The following CHODL variants were observed in gnomAD, a reference collection of about 807,000 sequenced individuals.
CHODL encodes chondrolectin, also known as transmembrane protein MT75.
A neutral mutation model predicts 34.5 loss-of-function variants in CHODL; 29 were observed. The ratio of observed to expected loss-of-function variants is 0.84; its 90% CI spans 0.63 to 1.15. CHODL has a LOEUF of 1.15. Among genes scored for constraint, CHODL ranks in the 50% most tolerant of loss-of-function variants. The pLI is 0.00. For synonymous variants in CHODL, 125 were observed against 116.1 expected (o/e 1.08, Z -0.49); for missense variants, 332 against 332.5 (o/e 1.00, Z 0.01).
At chr21:18,031,060 CTAAA>C (rs1472311604) in intron 2 of CHODL, among the ~76,000 whole-genome samples, 1 of 152,112 alleles carries the variant, frequency 6.6e-6, no homozygotes, top group East Asian at 1.9e-4. Context: ...TAATTAGTTA[CTAAA>C]TTAGAATGCA....
At position 17,976,110 on chromosome 21, in the gene CHODL, A is replaced by C. The variant is rs538871518; in HGVS notation, c.-144-51762A>C. Among the ~76,000 whole-genome samples the C allele has an allele frequency of 5.3e-5, 8 of 152,066 alleles. No homozygotes were observed. In the East Asian group the frequency reaches 7.7e-4, roughly 15 times the overall value. On this transcript the variant is annotated intron_variant, in intron 1 of 6. Transcript: ENST00000400127. The stretch of plus-strand genomic sequence containing the variant: ...TTTCTGTGAAACCCCATCTCTACCC[A>C]AAATCCTCAAATTAGCCAGGCATGG...
At chr21:18,215,771 A>T (rs1473862208) in intron 2 of CHODL, among the ~76,000 whole-genome samples, 1 of 152,142 alleles carries the variant, frequency 6.6e-6, no homozygotes, top group Non-Finnish European at 1.5e-5. Flanking sequence ...CTATTATGAA[A>T]CACTGGTTAA....
At chr21:17,971,946 CA>C (rs1479842639) in intron 1 of CHODL, among the ~76,000 whole-genome samples, 1 of 152,144 alleles carries the variant, frequency 6.6e-6, no homozygotes. Context: ...AGCAGCTCAT[CA>C]AAAAGCTTAT....
At chr21:18,072,469 G>T (rs1334733055) in intron 2 of CHODL, among the ~76,000 whole-genome samples, 1 of 152,116 alleles carries the variant, frequency 6.6e-6, no homozygotes, top group African/African-American at 2.4e-5. Flanking sequence ...AAGGGCTTCA[G>T]ATTTAAGACG....
chr21:18,208,070 T>C (rs549509087), intron 2 of CHODL, among the ~76,000 whole-genome samples: 1 of 152,216 alleles, frequency 6.6e-6, no homozygotes, highest in Non-Finnish European at 1.5e-5. Flanking sequence ...TTTCTCTATC[T>C]CCTCTTTAAG....
chr21:18,227,298 A>C (rs9974529), intron 2 of CHODL, among the ~76,000 whole-genome samples: 60 of 152,298 alleles, frequency 3.9e-4, no homozygotes, highest in African/African-American at 1.4e-3. Flanking sequence ...AATTGTCTTA[A>C]ATACTATAGA....
chr21:17,950,485 T>C (rs2063446993), intron 1 of CHODL, among the ~76,000 whole-genome samples: 1 of 123,612 alleles, frequency 8.1e-6, no homozygotes, highest in African/African-American at 3.3e-5. Flanking sequence ...TAACAAGAAA[T>C]CCTAGATACA....
At chr21:18,246,097 C>A in intron 1 of CHODL, 1 of 687,988 alleles carries the variant, frequency 1.5e-6, no homozygotes, top group Non-Finnish European at 2.6e-6. Flanking sequence ...ATTTATATTG[C>A]AATTACTCTC....
upstream of CHODL, among the ~76,000 whole-genome samples, chr21:18,242,402 A>G (rs1052509904): frequency 2.6e-4 from 40 of 152,044 alleles, no homozygotes; most frequent in Non-Finnish European, 4.7e-4. Context: ...ATTTTAATTC[A>G]TAGCCCCTAC....
At chr21:18,180,824 G>A (rs894211085) in intron 2 of CHODL, among the ~76,000 whole-genome samples, 2 of 152,138 alleles carry the variant, frequency 1.3e-5, no homozygotes, top group Non-Finnish European at 2.9e-5. Context: ...CATCTTTTCT[G>A]CTCTTTACTA....
At chr21:17,992,254 A>G (rs1490497933) in intron 1 of CHODL, among the ~76,000 whole-genome samples, 1 of 152,150 alleles carries the variant, frequency 6.6e-6, no homozygotes, top group Admixed American at 6.5e-5. Context: ...AAAGTCAGGT[A>G]GTGTGATGCC....
chr21:18,046,036 C>T (rs1305960647), intron 2 of CHODL, among the ~76,000 whole-genome samples: 2 of 151,930 alleles, frequency 1.3e-5, no homozygotes, highest in East Asian at 3.9e-4. Flanking sequence ...ATGAACTAAG[C>T]CACCACCCAA....
At chr21:17,964,275 A>G (rs2063554905) in intron 1 of CHODL, among the ~76,000 whole-genome samples, 2 of 152,272 alleles carry the variant, frequency 1.3e-5, no homozygotes, top group African/African-American at 4.8e-5. Context: ...TTATGTAAGC[A>G]GAGTAAAAGG....
At chr21:17,957,300 GATTT>G (rs1272704155) in intron 1 of CHODL, among the ~76,000 whole-genome samples, 1 of 152,078 alleles carries the variant, frequency 6.6e-6, no homozygotes, top group African/African-American at 2.4e-5. Context: ...GTTGCAGAAT[GATTT>G]TAATAAAATG....
At chr21:18,039,528 A>C (rs970683816) in intron 2 of CHODL, among the ~76,000 whole-genome samples, 1 of 151,664 alleles carries the variant, frequency 6.6e-6, no homozygotes, top group African/African-American at 2.4e-5. Flanking sequence ...TGAATTTCTT[A>C]TTTGGGAACA....
At chr21:17,999,138 C>A (rs1055024343) in intron 1 of CHODL, among the ~76,000 whole-genome samples, 5 of 152,180 alleles carry the variant, frequency 3.3e-5, no homozygotes, top group Admixed American at 2.6e-4. Flanking sequence ...GTTCAAAGTT[C>A]CACAAATCTT....
rs550470823 is a variant in CHODL, at chr21:17,923,736, C to T, written c.-145+6336C>T. ...TCAGCCTCCCAAAGTACTGGGATTA[C>T]AGGCCTGAGCCACTGTGCCTGGCCA... On this transcript the variant is annotated intron_variant, in intron 1 of 6. Coordinates refer to the CHODL transcript ENST00000400127. 2.6e-5 allele frequency among the ~76,000 whole-genome samples: 4 copies of T among 152,280 alleles called. No individual in the cohort carries two copies. The South Asian group carries it at 8.3e-4, about 32-fold the overall frequency.
At chr21:18,199,624 T>C (rs146883121) in intron 2 of CHODL, among the ~76,000 whole-genome samples, 358 of 152,222 alleles carry the variant, frequency 2.4e-3, no homozygotes, top group Middle Eastern at 0.01. Flanking sequence ...ATCCATCCTC[T>C]CCTATCCTAA....
chr21:18,010,089 CAG>C (rs1361684870), intron 1 of CHODL, among the ~76,000 whole-genome samples: 4 of 108,270 alleles, frequency 3.7e-5, no homozygotes, highest in South Asian at 3.0e-4. Flanking sequence ...TCCTGGCTAA[CAG>C]GGTGAAACCC....
Sources: gnomAD v4.1 joint callset for allele counts (sites outside exome capture counted in the v4.1 genomes callset) on GRCh38, gnomAD v4.1.1 for gene constraint, MANE v1.5 for transcripts, NCBI Gene and HGNC (gene_info 2026-07-23, HGNC 2026-07-21) for gene names.